The following C4orf50 variants were observed in gnomAD, a reference collection of about 807,000 sequenced individuals.
C4orf50 encodes uncharacterized protein C4orf50.
A neutral mutation model predicts 77.2 loss-of-function variants in C4orf50; 80 were observed. That is an observed-to-expected ratio of 1.04 (90% CI 0.87 to 1.25). The LOEUF is 1.25. C4orf50 is among the 50% of genes most tolerant of loss of function. The probability of loss-of-function intolerance (pLI) is 0.00; values close to 1 mark genes in which losing one functional copy is unlikely to be tolerated. For missense variants in C4orf50, 1,257 were observed against 1,152.9 expected (o/e 1.09, Z -1.31); for synonymous variants, 532 against 465.3 (o/e 1.14, Z -1.84).
chr4:5,936,502 C>T (rs1272391938), intron 7 of C4orf50, among the ~76,000 whole-genome samples: 2 of 132,868 alleles, frequency 1.5e-5, no homozygotes, highest in East Asian at 4.2e-4. Context: ...GTGAAGGCTG[C>T]AGTGAGCCGA....
At chr4:5,906,763 G>C (rs1459943193) in intron 7 of C4orf50, among the ~76,000 whole-genome samples, 1 of 152,192 alleles carries the variant, frequency 6.6e-6, no homozygotes, top group Non-Finnish European at 1.5e-5. Context: ...TCGTGTAGGT[G>C]TCTTTAGTCT....
chr4:5,947,916 C>A (rs9993643), intron 7 of C4orf50, among the ~76,000 whole-genome samples: 1 of 152,086 alleles, frequency 6.6e-6, no homozygotes, highest in African/African-American at 2.4e-5. Context: ...AGCCTCTGCA[C>A]GAGATCAGAC....
intron 7 of C4orf50, among the ~76,000 whole-genome samples, chr4:5,947,702 GC>G (rs1718541220): frequency 6.6e-6 from 1 of 152,066 alleles, no homozygotes; most frequent in African/African-American, 2.4e-5. Context: ...CCCCACTGGA[GC>G]CCTGGATGTG....
Position 5,965,006 on chromosome 4 carries a change from T to A in C4orf50, c.4275+18A>T. On this transcript the variant is annotated intron_variant, in intron 33 of 33. Transcript: ENST00000531445. ...AACAAAGTTCATTTAGGAAATGAGG[T>A]GACAGGTGCCTTCTCACCTTCAGAG... 6.2e-7 allele frequency: 1 copy of A among 1,603,770 alleles called. No individual in the cohort carries two copies. The highest frequency in any genetic ancestry group is 1.7e-4 in the Middle Eastern group (1 of 6,008).
At chr4:5,909,659 T>G (rs995362946) in intron 7 of C4orf50, among the ~76,000 whole-genome samples, 4 of 152,346 alleles carry the variant, frequency 2.6e-5, no homozygotes, top group Admixed American at 2.6e-4. Context: ...CATTTAAGCC[T>G]TTCATCCATT....
At chr4:5,977,763 T>C (rs543630016) in intron 29 of C4orf50, among the ~76,000 whole-genome samples, 1 of 152,362 alleles carries the variant, frequency 6.6e-6, no homozygotes, top group Non-Finnish European at 1.5e-5. Context: ...CAATCATATT[T>C]GCAGCCTTGG....
exon 28 of C4orf50, chr4:5,989,757 T>C: frequency 1.3e-6 from 2 of 1,531,632 alleles, no homozygotes; most frequent in Non-Finnish European, 1.7e-6. Flanking sequence ...CTGTCTCTCC[T>C]GCAAAGAAAA....
At chr4:5,991,695 G>A (rs959997617) in intron 27 of C4orf50, among the ~76,000 whole-genome samples, 1 of 152,140 alleles carries the variant, frequency 6.6e-6, no homozygotes, top group African/African-American at 2.4e-5. Flanking sequence ...AGAATAGCTG[G>A]GAGAGGCTGA....
rs770226911 is a variant in C4orf50 at position 6,018,103 on chromosome 4, G to C, written c.287+42C>G. 66 of 398,148 alleles carry C rather than the reference G, an allele frequency of 1.7e-4. No homozygotes were observed. Among genetic ancestry groups the C allele is most frequent in the Non-Finnish European group, 2.7e-4 (61 of 226,068 alleles). 24.7% of individuals were successfully genotyped at this position (398,148 alleles called of 1,614,324 possible). ...GGTGACACACTCTGATGGCCCCGCG[G>C]TTTGTGAAATACACACAGAGAGATC... is the stretch of plus-strand genomic sequence containing the variant. On this transcript the variant is annotated intron_variant, in intron 23 of 33. Coordinates refer to ENST00000531445, the Ensembl canonical transcript of C4orf50. The surrounding 1 kb of genome is among the most constrained non-coding windows in gnomAD (Gnocchi z 5.1).
chr4:5,999,894 A>C (rs1011913802), intron 25 of C4orf50, among the ~76,000 whole-genome samples: 2 of 152,222 alleles, frequency 1.3e-5, no homozygotes, highest in African/African-American at 2.4e-5. Context: ...TTCCAGACAC[A>C]GGCAAGGCTT....
chr4:5,946,975 G>C (rs1356358377), intron 7 of C4orf50, among the ~76,000 whole-genome samples: 1 of 152,176 alleles, frequency 6.6e-6, no homozygotes, highest in Non-Finnish European at 1.5e-5. Flanking sequence ...TGGTGCTCTT[G>C]GCCAGTGCCC....
chr4:5,951,509 T>C (rs574004457), intron 7 of C4orf50, among the ~76,000 whole-genome samples: 4 of 152,238 alleles, frequency 2.6e-5, no homozygotes, highest in African/African-American at 9.6e-5. Flanking sequence ...AAACCAACAC[T>C]CAGAGAATAA....
rs546363949 is a variant in C4orf50 at position 5,976,281 on chromosome 4, T to TA, written c.3865-327dup. Among the ~76,000 whole-genome samples, 598 of 139,662 alleles carry TA rather than the reference T, an allele frequency of 4.3e-3. 3 individuals carry two copies. The highest frequency in any genetic ancestry group is 0.014 in the African/African-American group (519 of 37,836). 91.6% of individuals were successfully genotyped at this position (139,662 alleles called of 152,430 possible). On this transcript the variant is annotated intron_variant, in intron 29 of 33. Coordinates refer to ENST00000531445, the Ensembl canonical transcript of C4orf50. Reference sequence around the variant, plus strand: ...TAACACAGTGAAACCCCATCTCTACTAAAAAAAAAAATACAAAAAAAAAAA... The same window carrying TA: ...TAACACAGTGAAACCCCATCTCTACTAAAAAAAAAAAATACAAAAAAAAAAA...
intron 29 of C4orf50, among the ~76,000 whole-genome samples, chr4:5,979,381 C>T (rs1290545305): frequency 6.6e-6 from 1 of 152,124 alleles, no homozygotes; most frequent in Non-Finnish European, 1.5e-5. Context: ...GTTCACTTTG[C>T]ATGTGTTGAT....
chr4:5,902,159 C>T (rs1354318303), intron 7 of C4orf50: 2 of 152,182 alleles, frequency 1.3e-5, no homozygotes, highest in African/African-American at 4.8e-5. Flanking sequence ...TTTCCTTGTT[C>T]CCTTTTTTGA....
At chr4:5,980,077 G>T in intron 29 of C4orf50, 97 bp downstream of exon 7, 1 of 992,846 alleles carries the variant, frequency 1.0e-6, no homozygotes, top group Non-Finnish European at 1.5e-6. Context: ...CAACTGGCTG[G>T]GTCAAGAAGA....
chr4:5,930,614 G>GCA (rs2108744418), intron 7 of C4orf50, among the ~76,000 whole-genome samples: 1 of 152,350 alleles, frequency 6.6e-6, no homozygotes, highest in East Asian at 1.9e-4. Flanking sequence ...CAGCAGCTCT[G>GCA]CATAGAGCGG....
chr4:6,014,615 A>G (rs752064140), intron 23 of C4orf50, among the ~76,000 whole-genome samples: 6 of 152,188 alleles, frequency 3.9e-5, no homozygotes, highest in South Asian at 2.1e-4. Flanking sequence ...CATTCACCTG[A>G]AATCTGTGCT....
In C4orf50 at chr4:5,908,903, TG is replaced by T. The variant is rs1346794087; in HGVS notation, c.*2475-10716del. On this transcript the variant is annotated intron_variant, in intron 7 of 7. Coordinates refer to the C4orf50 transcript ENST00000324058. The surrounding 1 kb of genome is among the most constrained non-coding windows in gnomAD (Gnocchi z 5.6). The stretch of plus-strand genomic sequence containing the variant: ...TTTAAAATGCCTGGAAAGTACAGAA[TG>T]GGGGTTACCTGCTCTGTCATTCACT... Among the ~76,000 whole-genome samples the T allele has an allele frequency of 2.6e-5, 4 of 152,126 alleles. No homozygotes were observed. Among genetic ancestry groups the T allele is most frequent in the African/African-American group, 4.8e-5 (2 of 41,438 alleles).
Sources: allele counts gnomAD v4.1 joint callset (sites outside exome capture counted in the v4.1 genomes callset), GRCh38; gene constraint gnomAD v4.1.1; non-coding constraint Gnocchi (gnomAD v3.1); transcripts MANE v1.5; gene names NCBI Gene and HGNC (gene_info 2026-07-23, HGNC 2026-07-21).